The following LIMS2 variants were observed in gnomAD, a reference collection of about 807,000 sequenced individuals.
The protein encoded by LIMS2 is LIM zinc finger domain containing 2, also known as LIM and senescent cell antigen-like-containing domain protein 2.
In LIMS2, 30 loss-of-function variants were observed where a neutral mutation model predicts 45.3. The ratio of observed to expected loss-of-function variants is 0.66; its 90% CI spans 0.50 to 0.90. The LOEUF (loss-of-function observed/expected upper bound fraction) is 0.90, where lower values mean the gene tolerates loss of function less well. LIMS2 is among the 40% of genes least tolerant of loss of function. The pLI, the probability that LIMS2 is intolerant of heterozygous loss-of-function variation, is 0.00. For missense variants in LIMS2, 485 were observed against 468.7 expected, an observed-to-expected ratio of 1.03 and a Z score of -0.32; for synonymous variants, 173 against 188.0, an observed-to-expected ratio of 0.92 and a Z score of 0.65.
At chr2:127,665,746 C>T (rs1004555386) in intron 1 of LIMS2, among the ~76,000 whole-genome samples, 5 of 152,194 alleles carry the variant, frequency 3.3e-5, no homozygotes, top group African/African-American at 4.8e-5. Context: ...TCTCACCACT[C>T]CCGACTCAGC....
chr2:127,659,803 C>G (rs942952864), intron 1 of LIMS2, among the ~76,000 whole-genome samples: 15 of 152,226 alleles, frequency 9.9e-5, no homozygotes, highest in Non-Finnish European at 1.9e-4. Flanking sequence ...CCTCGCACCC[C>G]CTTCCAGGCT....
At chr2:127,649,214 C>T (rs571337758) in intron 4 of LIMS2, among the ~76,000 whole-genome samples, 1 of 65,664 alleles carries the variant, frequency 1.5e-5, no homozygotes, top group Non-Finnish European at 3.5e-5. Context: ...GAAGGAAGGG[C>T]AGGGAGAAAT....
rs371555432 is a variant in LIMS2, at chr2:127,649,987, A to G, written c.359+4437T>C. 5.8e-4 allele frequency: 928 copies of G among 1,596,710 alleles called. 2 individuals carry two copies. Among genetic ancestry groups the G allele is most frequent in the Non-Finnish European group, 7.6e-4 (893 of 1,168,988 alleles). On this transcript the variant is annotated intron_variant, in intron 4 of 9. Coordinates refer to ENST00000355119, the MANE Select transcript of LIMS2 (RefSeq NM_001161403.3). Reference sequence around the variant, plus strand: ...GATACCCAGGCACAGGCTTCTCCTAAACACAGGTCTCCCCACCTGTCAGGA... The same window carrying G: ...GATACCCAGGCACAGGCTTCTCCTAGACACAGGTCTCCCCACCTGTCAGGA...
At chr2:127,670,947 A>T (rs1685244932) in intron 1 of LIMS2, among the ~76,000 whole-genome samples, 1 of 152,182 alleles carries the variant, frequency 6.6e-6, no homozygotes, top group South Asian at 2.1e-4. Context: ...GTATTCAGTC[A>T]CCTCATCTCA....
Position 127,667,497 on chromosome 2 carries a change from C to T in LIMS2, c.11+7517G>A, listed in dbSNP as rs937849959. On this transcript the variant is annotated intron_variant, in intron 1 of 9. Transcript: ENST00000355119. The surrounding 1 kb of genome is among the most constrained non-coding windows in gnomAD (Gnocchi z 4.1). ...ACACTCTATAAAAAGTATTATACACCGTGACCAAATGGGATTTATCCCAAG... is the reference window on the plus strand; with the variant it reads ...ACACTCTATAAAAAGTATTATACACTGTGACCAAATGGGATTTATCCCAAG... 9.2e-5 allele frequency among the ~76,000 whole-genome samples: 14 copies of T among 152,142 alleles called. No homozygotes were observed. The highest frequency in any genetic ancestry group is 2.4e-4 in the African/African-American group (10 of 41,410).
intron 1 of LIMS2, among the ~76,000 whole-genome samples, chr2:127,665,464 C>T (rs1300911031): frequency 1.3e-5 from 2 of 152,186 alleles, no homozygotes; most frequent in African/African-American, 4.8e-5. Context: ...ACTCATTAAG[C>T]ACCCTGGCAG....
chr2:127,661,190 C>T (rs931741108), intron 1 of LIMS2, among the ~76,000 whole-genome samples: 4 of 152,226 alleles, frequency 2.6e-5, no homozygotes, highest in African/African-American at 4.8e-5. Flanking sequence ...CAGCTCTACA[C>T]GTGATAGCCC....
chr2:127,660,727 A>C (rs1004020358), intron 1 of LIMS2, among the ~76,000 whole-genome samples: 6 of 152,208 alleles, frequency 3.9e-5, no homozygotes, highest in Non-Finnish European at 8.8e-5. Flanking sequence ...AGAACCCACC[A>C]AAAGGAGCCA....
At chr2:127,677,507 G>A (rs543561068), upstream of LIMS2, among the ~76,000 whole-genome samples, 1 of 152,060 alleles carries the variant, frequency 6.6e-6, no homozygotes, top group Non-Finnish European at 1.5e-5. This position sits in a 1 kb window ranked among gnomAD's most constrained non-coding sequence, Gnocchi z 5.0. Context: ...AAAGCATTCC[G>A]GCAGAACAGC....
chr2:127,657,620 C>A, intron 1 of LIMS2, 58 bp from the exon 2 acceptor site: 1 of 1,511,522 alleles, frequency 6.6e-7, no homozygotes, highest in Non-Finnish European at 8.9e-7. Flanking sequence ...AGATGGGGCA[C>A]ACGCGGGGGC....
chr2:127,648,904 G>A (rs891433193), intron 4 of LIMS2, among the ~76,000 whole-genome samples: 1 of 142,174 alleles, frequency 7.0e-6, no homozygotes, highest in Non-Finnish European at 1.5e-5. Flanking sequence ...GGGTGACAGA[G>A]GGAGACCTTG....
chr2:127,648,208 G>A (rs1290553383), intron 4 of LIMS2: 3 of 985,284 alleles, frequency 3.0e-6, no homozygotes, highest in Non-Finnish European at 2.4e-6. Context: ...CCCTGTTCCT[G>A]GAAGCAGCAG....
intron 7 of LIMS2, 128 bp from the exon 8 acceptor site, chr2:127,640,446 C>A: frequency 9.7e-7 from 1 of 1,030,628 alleles, no homozygotes. Context: ...CTCCCAGGGC[C>A]CAGCTGCAAG....
intron 6 of LIMS2, 67 bp downstream of exon 6, chr2:127,641,982 C>T: frequency 6.5e-7 from 1 of 1,549,526 alleles, no homozygotes. Flanking sequence ...AGCTTTAGGG[C>T]TCTTACCATG....
rs1684600173 is a variant in LIMS2, at chr2:127,660,919, A to AGGTGGG, written c.12-3363_12-3358dup. Among the ~76,000 whole-genome samples, 3 of 16,052 alleles carry AGGTGGG rather than the reference A, an allele frequency of 1.9e-4. No individual in the cohort carries two copies. The South Asian group carries it at 5.0e-3, about 27-fold the overall frequency. 10.5% of individuals were successfully genotyped at this position (16,052 alleles called of 152,430 possible). On this transcript the variant is annotated intron_variant, in intron 1 of 9. Coordinates refer to ENST00000355119, the MANE Select transcript of LIMS2 (RefSeq NM_001161403.3). ...GACAGTATCGCACAAAGCGTGGCAT[A>AGGTGGG]GGTGGGGGTGGGGGGGGCGGATGTG...
At chr2:127,657,011 T>A (rs1684302035) in intron 2 of LIMS2, among the ~76,000 whole-genome samples, 1 of 152,170 alleles carries the variant, frequency 6.6e-6, no homozygotes. Flanking sequence ...AAACCTCACC[T>A]TCCCTGAGCA....
chr2:127,673,969 A>G (rs1685395676), intron 1 of LIMS2: 2 of 539,452 alleles, frequency 3.7e-6, no homozygotes, highest in Admixed American at 6.2e-5. Context: ...CTTGGGGAGA[A>G]GAAAGGGAAG....
At chr2:127,676,349 T>G (rs920410858), upstream of LIMS2, among the ~76,000 whole-genome samples, 2 of 151,220 alleles carry the variant, frequency 1.3e-5, no homozygotes, top group African/African-American at 4.9e-5. Context: ...AGAAATAAGC[T>G]GGGAAAAGAC....
intron 4 of LIMS2, among the ~76,000 whole-genome samples, chr2:127,648,757 C>T (rs957069011): frequency 6.6e-6 from 1 of 151,468 alleles, no homozygotes; most frequent in Non-Finnish European, 1.5e-5. Context: ...CCGTCTCTAC[C>T]AAAAAATACA....
Sources: allele counts gnomAD v4.1 joint callset (sites outside exome capture counted in the v4.1 genomes callset), GRCh38; gene constraint gnomAD v4.1.1; non-coding constraint Gnocchi (gnomAD v3.1); transcripts MANE v1.5; gene names NCBI Gene and HGNC (gene_info 2026-07-23, HGNC 2026-07-21).